Variants in NR3C2 observed in about 807,000 individuals in gnomAD.
NR3C2 encodes nuclear receptor subfamily 3 group C member 2.
A neutral mutation model predicts 86.4 loss-of-function variants in NR3C2; 15 were observed. The ratio of observed to expected loss-of-function variants is 0.17; its 90% CI spans 0.12 to 0.27. The LOEUF is 0.27. Ranked by LOEUF, NR3C2 falls within the 10% of genes least tolerant of loss-of-function variation. The pLI, the probability that NR3C2 is intolerant of heterozygous loss-of-function variation, is 1.00. For missense variants in NR3C2, 960 were observed against 1,195.6 expected, an observed-to-expected ratio of 0.80 and a Z score of 2.91; for synonymous variants, 458 against 450.5, an observed-to-expected ratio of 1.02 and a Z score of -0.21.
At chr4:148,385,562 C>G (rs1409970804) in intron 2 of NR3C2, among the ~76,000 whole-genome samples, 1 of 152,096 alleles carries the variant, frequency 6.6e-6, no homozygotes, top group Non-Finnish European at 1.5e-5. Context: ...TTTTGTCCAC[C>G]ATTTTCAACT....
chr4:148,356,899 CTGTGTG>C (rs67285458), intron 2 of NR3C2, among the ~76,000 whole-genome samples: 70 of 149,074 alleles, frequency 4.7e-4, no homozygotes, highest in African/African-American at 1.4e-3. Context: ...CTAAGCACGA[CTGTGTG>C]TGTGTGTGTG....
At chr4:148,175,890 G>A (rs1192650452) in intron 4 of NR3C2, among the ~76,000 whole-genome samples, 1 of 152,186 alleles carries the variant, frequency 6.6e-6, no homozygotes, top group Admixed American at 6.5e-5. Context: ...CAGCTACTCG[G>A]GAGGCTGAGG....
chr4:148,395,858 C>G (rs1747831116), intron 2 of NR3C2, among the ~76,000 whole-genome samples: 1 of 152,180 alleles, frequency 6.6e-6, no homozygotes, highest in South Asian at 2.1e-4. Flanking sequence ...TTCATTCATT[C>G]AAGTAAAATG....
chr4:148,250,744 C>T (rs933389153), intron 3 of NR3C2, among the ~76,000 whole-genome samples: 3 of 152,226 alleles, frequency 2.0e-5, no homozygotes, highest in Non-Finnish European at 4.4e-5. Context: ...AAACTAATCT[C>T]TGAAGCCTCA....
intron 8 of NR3C2, among the ~76,000 whole-genome samples, chr4:148,083,560 T>TA (rs1389212748): frequency 6.6e-6 from 1 of 152,150 alleles, no homozygotes; most frequent in Non-Finnish European, 1.5e-5. Context: ...CAAAGGTAGA[T>TA]AAATCCATGA....
chr4:148,263,824 C>G (rs1000341446), intron 2 of NR3C2, among the ~76,000 whole-genome samples: 2 of 152,154 alleles, frequency 1.3e-5, no homozygotes, highest in African/African-American at 4.8e-5. Flanking sequence ...GCATGAAGTA[C>G]CACTCTCCCT....
At chr4:148,357,092 C>A (rs564095455) in intron 2 of NR3C2, among the ~76,000 whole-genome samples, 1 of 152,226 alleles carries the variant, frequency 6.6e-6, no homozygotes, top group East Asian at 1.9e-4. Context: ...CATAAATACT[C>A]TAAAAACCTA....
At chr4:148,095,287 T>C (rs1334973333) in intron 8 of NR3C2, among the ~76,000 whole-genome samples, 2 of 152,260 alleles carry the variant, frequency 1.3e-5, no homozygotes, top group Non-Finnish European at 2.9e-5. Flanking sequence ...CCCTGAGCCA[T>C]GTGGCTCTGC....
At chr4:148,156,123 A>G (rs989688819) in intron 4 of NR3C2, among the ~76,000 whole-genome samples, 8 of 152,188 alleles carry the variant, frequency 5.3e-5, no homozygotes, top group Non-Finnish European at 1.2e-4. Flanking sequence ...AAGATTGATT[A>G]AAGACTTAAA....
chr4:148,342,849 G>A (rs1475959435), intron 2 of NR3C2, among the ~76,000 whole-genome samples: 2 of 152,060 alleles, frequency 1.3e-5, no homozygotes, highest in Admixed American at 6.6e-5. Flanking sequence ...ACTAGAAATT[G>A]CTTTAGCTAT....
At chr4:148,233,440 GCCTCAACTTCCCTTGGTTTAAATGAT>G (rs1238202000) in intron 3 of NR3C2, among the ~76,000 whole-genome samples, 5 of 149,082 alleles carry the variant, frequency 3.4e-5, no homozygotes, top group Non-Finnish European at 7.4e-5. Flanking sequence ...GTTCACTGCA[GCCTCAACTTCCCTTGGTTTAAATGAT>G]CCTCACACTT....
intron 2 of NR3C2, among the ~76,000 whole-genome samples, chr4:148,404,570 C>T (rs61756948): frequency 6.6e-6 from 1 of 152,058 alleles, no homozygotes; most frequent in Non-Finnish European, 1.5e-5. Flanking sequence ...TAGTGTAATG[C>T]TCTGTTAATT....
In NR3C2 at chr4:148,080,751, A is replaced by C. The variant is rs1415061722; in HGVS notation, c.*593T>G. 5.7e-6 allele frequency: 2 copies of C among 353,950 alleles called. No individual in the cohort carries two copies. Among genetic ancestry groups the C allele is most frequent in the East Asian group, 1.5e-4 (2 of 13,098 alleles). 21.9% of individuals were successfully genotyped at this position (353,950 alleles called of 1,614,324 possible). A position where few individuals can be genotyped will look rare whatever the true frequency, so the allele number is the denominator to read the frequency against. On this transcript the variant is annotated 3_prime_UTR_variant, in exon 9 of 9. Coordinates refer to ENST00000358102, the MANE Select transcript of NR3C2 (RefSeq NM_000901.5). ...TCCATTCTAATTAAATAAGAAATGG[A>C]CGCTAACGAGTGTGTATACCAGTGA...
chr4:148,271,097 A>G (rs1487332255), intron 2 of NR3C2, among the ~76,000 whole-genome samples: 2 of 152,194 alleles, frequency 1.3e-5, no homozygotes, highest in East Asian at 3.8e-4. Context: ...ACATTAAAGT[A>G]TGGAGGTGAA....
chr4:148,186,996 G>GTGTGTATA (rs1270300388), intron 4 of NR3C2, among the ~76,000 whole-genome samples: 1 of 27,200 alleles, frequency 3.7e-5, no homozygotes, highest in East Asian at 2.5e-3. Context: ...GTGTATGTAT[G>GTGTGTATA]TATATATATA....
intron 2 of NR3C2, among the ~76,000 whole-genome samples, chr4:148,371,908 A>G (rs544656891): frequency 2.6e-5 from 4 of 152,308 alleles, no homozygotes; most frequent in South Asian, 4.1e-4. Flanking sequence ...ACTGTTTTCA[A>G]TGACAACACT....
At chr4:148,099,917 C>A (rs1374566247) in intron 8 of NR3C2, among the ~76,000 whole-genome samples, 1 of 152,144 alleles carries the variant, frequency 6.6e-6, no homozygotes, top group Non-Finnish European at 1.5e-5. Flanking sequence ...AGAAAGATCA[C>A]CCTGTGGCAG....
At chr4:148,296,261 C>T (rs1247955150) in intron 2 of NR3C2, among the ~76,000 whole-genome samples, 1 of 151,604 alleles carries the variant, frequency 6.6e-6, no homozygotes, top group Non-Finnish European at 1.5e-5. Flanking sequence ...CTTATCTGTG[C>T]TCCAGCATCA....
In NR3C2 at chr4:148,154,794, T is replaced by C; in HGVS notation, c.2122A>G (p.Thr708Ala). Residue 708 changes from threonine to alanine, a missense_variant, in exon 5 of 9, where the codon ACA becomes GCA. Thr to Ala is a moderately conservative substitution (Grantham distance 58). This residue lies in a region of NR3C2 where 82 missense variants were observed against 73.0 expected (regional missense o/e 1.12). Coordinates refer to ENST00000358102, the MANE Select transcript of NR3C2 (RefSeq NM_000901.5). ...PPPPQSPEEG[T>A]TYIAPAKEPS... is the part of the protein sequence containing the mutation. ...TCTTTTGCAGGAGCGATGTACGTTG[T>C]CCCTTCCTCTGGGCTTTGCGGGGGT... The C allele has an allele frequency of 1.1e-6, 1 of 889,364 alleles. No individual in the cohort carries two copies. The allele number at this position is 889,364 out of a possible 1,614,324, so 55.1% of individuals were successfully genotyped here. A position where few individuals can be genotyped will look rare whatever the true frequency, so the allele number is the denominator to read the frequency against.
Sources: gnomAD v4.1 joint callset for allele counts (sites outside exome capture counted in the v4.1 genomes callset) on GRCh38, gnomAD v4.1.1 for gene constraint, gnomAD v4.1.1 regional missense constraint, MANE v1.5 for transcripts, NCBI Gene and HGNC (gene_info 2026-07-23, HGNC 2026-07-21) for gene names.